PDRG1: variants seen among roughly 807,000 people sequenced by gnomAD.
PDRG1 encodes p53 and DNA damage-regulated protein 1.
Under a neutral mutation model 18.4 loss-of-function variants are expected in PDRG1, and 14 were observed. The ratio of observed to expected loss-of-function variants is 0.76; its 90% CI spans 0.50 to 1.19. The LOEUF is 1.19. Among genes scored for constraint, PDRG1 ranks in the 50% most tolerant of loss-of-function variants. The probability of loss-of-function intolerance (pLI) is 0.00; values close to 1 mark genes in which losing one functional copy is unlikely to be tolerated. For synonymous variants in PDRG1, 65 were observed against 60.9 expected (o/e 1.07, Z -0.31); for missense variants, 177 against 160.1 (o/e 1.11, Z -0.57).
At position 31,950,301 on chromosome 20, in the gene PDRG1, T is replaced by C. The variant is rs2123681205; in HGVS notation, c.163+11A>G. The C allele has an allele frequency of 6.3e-7, 1 of 1,594,256 alleles. No individual in the cohort carries two copies. The highest frequency in any genetic ancestry group is 1.3e-5 in the African/African-American group (1 of 74,526). ...GGCCTCCAGGGCTGCACTGAGAAAATTTCAACTTACCAGAGAGGCTGAGAT... is the reference window on the plus strand; with the variant it reads ...GGCCTCCAGGGCTGCACTGAGAAAACTTCAACTTACCAGAGAGGCTGAGAT... On this transcript the variant is annotated intron_variant, in intron 2 of 4. Coordinates refer to ENST00000202017, the MANE Select transcript of PDRG1 (RefSeq NM_030815.3).
At chr20:31,946,435 T>C in intron 4 of PDRG1, 61 bp downstream of exon 4, 1 of 1,479,418 alleles carries the variant, frequency 6.8e-7, no homozygotes, top group Non-Finnish European at 9.4e-7. Context: ...ATCCCTGCCC[T>C]TCAAAGTCCA....
In PDRG1 at chr20:31,952,030, C is replaced by G; in HGVS notation, c.-69G>C. 4.0e-6 allele frequency: 6 copies of G among 1,482,050 alleles called. No homozygotes were observed. Among genetic ancestry groups the G allele is most frequent in the Non-Finnish European group, 5.4e-6 (6 of 1,117,208 alleles). The allele number at this position is 1,482,050 out of a possible 1,614,324, so 91.8% of individuals were successfully genotyped here. ...TCTCCGCTTCGACTCCCGCTGCGCACGCGCCGCTCTCTAGGTGCTTCCGGC... is the reference window on the plus strand; with the variant it reads ...TCTCCGCTTCGACTCCCGCTGCGCAGGCGCCGCTCTCTAGGTGCTTCCGGC... On this transcript the variant is annotated 5_prime_UTR_variant, in exon 1 of 5. Transcript: ENST00000202017.
intron 4 of PDRG1, among the ~76,000 whole-genome samples, chr20:31,946,288 A>AT (rs2064317936): frequency 6.6e-6 from 1 of 152,164 alleles, no homozygotes; most frequent in East Asian, 1.9e-4. Flanking sequence ...TGGAAAAGAA[A>AT]CTATGACAGG....
At chr20:31,951,003 GTTA>G (rs1290666119) in intron 1 of PDRG1, among the ~76,000 whole-genome samples, 3 of 152,270 alleles carry the variant, frequency 2.0e-5, no homozygotes, top group South Asian at 4.1e-4. Flanking sequence ...TACCTTACAG[GTTA>G]TTGAGCCAGC....
chr20:31,951,771 G>A, intron 1 of PDRG1, 104 bp downstream of exon 1: 1 of 1,245,014 alleles, frequency 8.0e-7, no homozygotes, highest in Non-Finnish European at 1.1e-6. Flanking sequence ...CAGGTCTGTC[G>A]CCTCGGAGCC....
intron 3 of PDRG1, 111 bp from the exon 4 acceptor site, chr20:31,946,687 A>C: frequency 1.1e-6 from 1 of 949,470 alleles, no homozygotes; most frequent in South Asian, 1.4e-5. Context: ...TTCAGGAAGG[A>C]AAAGGGGACA....
In PDRG1 at chr20:31,952,034, C is replaced by A. The variant is rs1055751578; in HGVS notation, c.-73G>T. ...CGCTTCGACTCCCGCTGCGCACGCG[C>A]CGCTCTCTAGGTGCTTCCGGCGCGC... On this transcript the variant is annotated 5_prime_UTR_variant, in exon 1 of 5. Transcript: ENST00000202017. The A allele has an allele frequency of 6.7e-7, 1 of 1,482,344 alleles. No homozygotes were observed. 91.8% of individuals were successfully genotyped at this position (1,482,344 alleles called of 1,614,324 possible). A position where few individuals can be genotyped will look rare whatever the true frequency, so the allele number is the denominator to read the frequency against.
At chr20:31,948,023 T>C (rs1016608461) in intron 3 of PDRG1, among the ~76,000 whole-genome samples, 4 of 152,266 alleles carry the variant, frequency 2.6e-5, no homozygotes, top group Non-Finnish European at 4.4e-5. Context: ...GTTCTTTTTC[T>C]AGCCAATAAT....
intron 2 of PDRG1, among the ~76,000 whole-genome samples, chr20:31,950,001 T>G (rs1202499181): frequency 6.6e-6 from 1 of 152,178 alleles, no homozygotes; most frequent in Non-Finnish European, 1.5e-5. Context: ...TTACGTTGTT[T>G]TCCTCATCTG....
chr20:31,949,016 G>T, intron 2 of PDRG1, 134 bp from the exon 3 acceptor site: 1 of 710,814 alleles, frequency 1.4e-6, no homozygotes, highest in Non-Finnish European at 2.3e-6. Context: ...TGTTACAGTG[G>T]AGGAGAGAGA....
chr20:31,952,013 T>C lies in PDRG1; in HGVS notation c.-52A>G. ...CTCGCGCGACCCCGGGATCTCCGCT[T>C]CGACTCCCGCTGCGCACGCGCCGCT... is the stretch of plus-strand genomic sequence containing the variant. On this transcript the variant is annotated 5_prime_UTR_variant, in exon 1 of 5. Coordinates refer to ENST00000202017, the MANE Select transcript of PDRG1 (RefSeq NM_030815.3). 6.7e-7 allele frequency: 1 copy of C among 1,492,124 alleles called. No individual in the cohort carries two copies. The highest frequency in any genetic ancestry group is 1.3e-5 in the South Asian group (1 of 75,556). 92.4% of individuals were successfully genotyped at this position (1,492,124 alleles called of 1,614,324 possible). A position where few individuals can be genotyped will look rare whatever the true frequency, so the allele number is the denominator to read the frequency against.
chr20:31,947,032 CAT>C (rs1376886622), intron 3 of PDRG1, among the ~76,000 whole-genome samples: 2 of 152,224 alleles, frequency 1.3e-5, no homozygotes, highest in African/African-American at 2.4e-5. Context: ...ATTGTGTAAA[CAT>C]GTGACGTAAA....
At chr20:31,945,924 C>A (rs746854732) in intron 4 of PDRG1, 35 bp from the exon 5 acceptor site, 2 of 1,561,248 alleles carry the variant, frequency 1.3e-6, no homozygotes, top group Non-Finnish European at 1.8e-6. Flanking sequence ...CACGTCGGGC[C>A]TCCTGCTGGC....
At chr20:31,948,914 T>C (rs771436413) in intron 2 of PDRG1, 32 bp from the exon 3 acceptor site, 2 of 1,530,838 alleles carry the variant, frequency 1.3e-6, no homozygotes, top group Admixed American at 1.8e-5. Context: ...CCTTCAACAA[T>C]TTTTTTTTGA....
At chr20:31,951,841 C>T in intron 1 of PDRG1, 34 bp downstream of exon 1, 1 of 1,531,914 alleles carries the variant, frequency 6.5e-7, no homozygotes, top group Non-Finnish European at 8.7e-7. Context: ...CGGCGCCGGC[C>T]GCCAGGCCCC....
chr20:31,945,002 A>AT lies in PDRG1; in HGVS notation c.*804dup, dbSNP rs1555856920. 1 of 152,248 alleles carries AT rather than the reference A, an allele frequency of 6.6e-6. No homozygotes were observed. Among genetic ancestry groups the AT allele is most frequent in the Non-Finnish European group, 1.5e-5 (1 of 68,046 alleles). The allele number at this position is 152,248 out of a possible 1,614,324, so 9.4% of individuals were successfully genotyped here. A position where few individuals can be genotyped will look rare whatever the true frequency, so the allele number is the denominator to read the frequency against. ...CATTTATTGAGCCCTTAATGAACAC[A>AT]TAAGAGTTTTGACTTCACGGCAGTT... is the stretch of plus-strand genomic sequence containing the variant. On this transcript the variant is annotated 3_prime_UTR_variant, in exon 5 of 5. Coordinates refer to ENST00000202017, the MANE Select transcript of PDRG1 (RefSeq NM_030815.3).
At chr20:31,949,019 G>T in intron 2 of PDRG1, 137 bp from the exon 3 acceptor site, 1 of 707,880 alleles carries the variant, frequency 1.4e-6, no homozygotes, top group East Asian at 2.8e-5. Flanking sequence ...TACAGTGGAG[G>T]AGAGAGAATA....
At position 31,951,922 on chromosome 20, in the gene PDRG1, C is replaced by G. The variant is rs1304248332; in HGVS notation, c.40G>C (p.Val14Leu). The G allele has an allele frequency of 6.3e-7, 1 of 1,595,476 alleles. No individual in the cohort carries two copies. The highest frequency in any genetic ancestry group is 1.4e-5 in the African/African-American group (1 of 74,000). The change falls in exon 1 of 5, where the codon GTA (valine) becomes CTA (leucine). Residue 14 changes from valine (V) to leucine (L), a missense_variant. Coordinates refer to ENST00000202017, the MANE Select transcript of PDRG1 (RefSeq NM_030815.3). ...TCCTCGGCGAGCTCCTCCACTTCTA[C>G]AAGGTACCGCAGCACTCGCTCTGCC... ...PEAERVLRYL[V>L]EVEELAEEVL...
chr20:31,946,741 A>G (rs1452962675), intron 3 of PDRG1, among the ~76,000 whole-genome samples, 165 bp from the exon 4 acceptor site: 2 of 152,140 alleles, frequency 1.3e-5, no homozygotes, highest in Non-Finnish European at 2.9e-5. Context: ...AAGGGACATG[A>G]CCTGCTCAGG....
Sources: gnomAD v4.1 joint callset for allele counts (sites outside exome capture counted in the v4.1 genomes callset) on GRCh38, gnomAD v4.1.1 for gene constraint, MANE v1.5 for transcripts, NCBI Gene and HGNC (gene_info 2026-07-23, HGNC 2026-07-21) for gene names.